Variants in DOCK3 observed in about 807,000 individuals in gnomAD.
DOCK3 encodes the protein dedicator of cytokinesis 3, also known as dedicator of cytokinesis protein 3.
DOCK3 carries 60 observed loss-of-function variants against 265.6 expected under a neutral mutation model. That is an observed-to-expected ratio of 0.23 (90% CI 0.18 to 0.28). The LOEUF is 0.28. Ranked by LOEUF, DOCK3 falls within the 10% of genes least tolerant of loss-of-function variation. The pLI is 1.00. For synonymous variants in DOCK3, 881 were observed against 938.0 expected (o/e 0.94, Z 1.11); for missense variants, 1,981 against 2,594.3 (o/e 0.76, Z 5.14).
At chr3:51,267,483 C>G (rs1239626299) in intron 23 of DOCK3, among the ~76,000 whole-genome samples, 1 of 150,840 alleles carries the variant, frequency 6.6e-6, no homozygotes, top group Non-Finnish European at 1.5e-5. Flanking sequence ...CTCCCGTGTT[C>G]AAGTGATTCT....
At chr3:51,078,071 GAGAGAGAGAAAGAAAC>G (rs1051187518) in intron 7 of DOCK3, among the ~76,000 whole-genome samples, 5 of 5,334 alleles carry the variant, frequency 9.4e-4, no homozygotes, top group Admixed American at 2.7e-3. Flanking sequence ...GAGAGAGACA[GAGAGAGAGAAAGAAAC>G]AGAGAGAGAG....
intron 25 of DOCK3, among the ~76,000 whole-genome samples, chr3:51,276,714 G>A (rs962617351): frequency 5.3e-5 from 8 of 152,118 alleles, no homozygotes; most frequent in African/African-American, 1.7e-4. Flanking sequence ...ATATATTCAG[G>A]TTCTCAAACA....
intron 27 of DOCK3, among the ~76,000 whole-genome samples, chr3:51,283,984 C>G (rs1219414484): frequency 6.6e-6 from 1 of 151,950 alleles, no homozygotes; most frequent in Admixed American, 6.6e-5. Flanking sequence ...GTTAAAGGGA[C>G]TTTACACACT....
intron 7 of DOCK3, among the ~76,000 whole-genome samples, chr3:51,076,279 A>G (rs947210092): frequency 2.0e-5 from 3 of 152,184 alleles, no homozygotes; most frequent in African/African-American, 7.2e-5. Context: ...ATGCAGTACA[A>G]TAGGTTGATA....
At chr3:50,980,098 A>T (rs1201138400) in intron 5 of DOCK3, among the ~76,000 whole-genome samples, 1 of 152,116 alleles carries the variant, frequency 6.6e-6, no homozygotes, top group Non-Finnish European at 1.5e-5. Flanking sequence ...TGGATTTTTC[A>T]TGTATTGACT....
At chr3:50,694,870 A>G (rs1198658498) in intron 1 of DOCK3, among the ~76,000 whole-genome samples, 2 of 152,214 alleles carry the variant, frequency 1.3e-5, no homozygotes, top group Admixed American at 6.5e-5. Flanking sequence ...AGAACTCAGT[A>G]TAAATAGATC....
At chr3:51,180,226 ACAC>A (rs1355382619) in intron 12 of DOCK3, among the ~76,000 whole-genome samples, 6 of 91,372 alleles carry the variant, frequency 6.6e-5, no homozygotes, top group South Asian at 7.4e-4. Flanking sequence ...AAAAAAAAAA[ACAC>A]ACACACACAC....
intron 1 of DOCK3, among the ~76,000 whole-genome samples, chr3:50,756,472 A>G (rs548048620): frequency 2.0e-5 from 3 of 152,278 alleles, no homozygotes; most frequent in Admixed American, 6.5e-5. Flanking sequence ...TTTGTTTATC[A>G]AAACATACAT....
intron 5 of DOCK3, among the ~76,000 whole-genome samples, chr3:51,026,736 A>T (rs1278910010): frequency 6.6e-6 from 1 of 152,014 alleles, no homozygotes; most frequent in East Asian, 1.9e-4. Context: ...ACAGGAATTT[A>T]TCCATTTCCT....
intron 2 of DOCK3, among the ~76,000 whole-genome samples, chr3:50,801,524 T>G (rs1473874202): frequency 6.6e-6 from 1 of 152,184 alleles, no homozygotes; most frequent in African/African-American, 2.4e-5. Context: ...GGCAAAGAAT[T>G]GAACATACTG....
chr3:51,275,317 C>G, intron 25 of DOCK3, 111 bp downstream of exon 25: 3 of 1,496,104 alleles, frequency 2.0e-6, no homozygotes, highest in Non-Finnish European at 2.7e-6. Context: ...GTCACAGATG[C>G]TTTCATCAGT....
intron 9 of DOCK3, among the ~76,000 whole-genome samples, chr3:51,146,166 A>C (rs2085291563): frequency 6.6e-6 from 1 of 152,214 alleles, no homozygotes; most frequent in Non-Finnish European, 1.5e-5. Flanking sequence ...TGAAGGTTTT[A>C]TGATGATCTG....
intron 4 of DOCK3, among the ~76,000 whole-genome samples, chr3:50,904,846 T>A (rs2049395641): frequency 6.6e-6 from 1 of 152,254 alleles, no homozygotes; most frequent in Non-Finnish European, 1.5e-5. Flanking sequence ...CATGCCTATG[T>A]CCTAAATGGT....
intron 1 of DOCK3, among the ~76,000 whole-genome samples, chr3:50,740,002 C>T (rs1474373191): frequency 1.3e-5 from 2 of 152,014 alleles, no homozygotes; most frequent in Admixed American, 6.6e-5. Flanking sequence ...CCTACTCTTT[C>T]ATCTCTATTT....
intron 5 of DOCK3, among the ~76,000 whole-genome samples, chr3:50,988,809 A>G (rs370208653): frequency 2.0e-5 from 3 of 152,118 alleles, no homozygotes; most frequent in Admixed American, 6.5e-5. Flanking sequence ...GTGGTCACCC[A>G]TTCCCATATA....
At chr3:51,026,434 T>C (rs1575810060) in intron 5 of DOCK3, among the ~76,000 whole-genome samples, 2 of 8,212 alleles carry the variant, frequency 2.4e-4, no homozygotes, top group South Asian at 0.016. Context: ...TGGCCTGTAG[T>C]TTTTTTTTTT....
At chr3:51,160,426 G>T in intron 11 of DOCK3, 129 bp from the exon 12 acceptor site, 1 of 1,223,604 alleles carries the variant, frequency 8.2e-7, no homozygotes, top group Non-Finnish European at 1.1e-6. Flanking sequence ...ACTCCCTTCA[G>T]CCCTGTAGTC....
At chr3:50,921,917 G>A in intron 4 of DOCK3, among the ~76,000 whole-genome samples, 1 of 152,154 alleles carries the variant, frequency 6.6e-6, no homozygotes, top group East Asian at 1.9e-4. Flanking sequence ...TCCTCTGGAA[G>A]CTTCATCTCA....
chr3:51,145,974 C>A (rs187189418), intron 9 of DOCK3, among the ~76,000 whole-genome samples: 8 of 152,304 alleles, frequency 5.3e-5, no homozygotes, highest in Admixed American at 5.2e-4. Context: ...AAATCTAATG[C>A]CGCTGCTGAT....
Sources: gnomAD v4.1 joint callset for allele counts (sites outside exome capture counted in the v4.1 genomes callset) on GRCh38, gnomAD v4.1.1 for gene constraint, MANE v1.5 for transcripts, NCBI Gene and HGNC (gene_info 2026-07-23, HGNC 2026-07-21) for gene names.